GPD2: variants seen among roughly 807,000 people sequenced by gnomAD.
GPD2 encodes glycerol-3-phosphate dehydrogenase, mitochondrial.
Under a neutral mutation model 82.4 loss-of-function variants are expected in GPD2, and 54 were observed. That is an observed-to-expected ratio of 0.66 (90% CI 0.53 to 0.82). The LOEUF (loss-of-function observed/expected upper bound fraction) is 0.82. Among genes scored for constraint, GPD2 ranks in the 40% least tolerant of loss-of-function variants. GPD2 has a pLI of 0.00. For synonymous variants in GPD2, 288 were observed against 306.1 expected (o/e 0.94, Z 0.62); for missense variants, 748 against 896.2 (o/e 0.83, Z 2.11).
intron 9 of GPD2, among the ~76,000 whole-genome samples, chr2:156,567,991 A>G (rs1687452274): frequency 6.6e-6 from 1 of 152,166 alleles, no homozygotes; most frequent in Non-Finnish European, 1.5e-5. Context: ...GGGAGAAGCC[A>G]GTATACCTGT....
intron 1 of GPD2, among the ~76,000 whole-genome samples, chr2:156,465,361 C>CTTTCTTT (rs1553466295): frequency 3.5e-5 from 4 of 114,886 alleles, no homozygotes; most frequent in Admixed American, 9.4e-5. Context: ...TTCTTTCTTT[C>CTTTCTTT]TTTTTTTTTT....
intron 8 of GPD2, among the ~76,000 whole-genome samples, chr2:156,552,871 T>C (rs1686811623): frequency 6.6e-6 from 1 of 151,798 alleles, no homozygotes; most frequent in African/African-American, 2.4e-5. Flanking sequence ...AAGCTACTTC[T>C]TTCAGCTTCT....
At chr2:156,515,874 G>A (rs567806539) in intron 6 of GPD2, among the ~76,000 whole-genome samples, 1 of 152,272 alleles carries the variant, frequency 6.6e-6, no homozygotes, top group South Asian at 2.1e-4. Context: ...CAACAGTGTA[G>A]TTTTGTGGTT....
chr2:156,463,881 T>G (rs1683068894), intron 1 of GPD2, among the ~76,000 whole-genome samples: 1 of 152,212 alleles, frequency 6.6e-6, no homozygotes, highest in South Asian at 2.1e-4. Context: ...TCTGTGCTAT[T>G]AGCTCTGTAG....
chr2:156,406,945 C>T, the GPD2 span, among the ~76,000 whole-genome samples: 33 of 152,172 alleles, frequency 2.2e-4, no homozygotes, highest in Non-Finnish European at 4.4e-4. Context: ...GGCACAGTGG[C>T]TCAGCCTGTA....
chr2:156,423,721 T>C, the GPD2 span, among the ~76,000 whole-genome samples: 1 of 152,356 alleles, frequency 6.6e-6, no homozygotes, highest in East Asian at 1.9e-4. Flanking sequence ...TGAAAAAGAA[T>C]CTTAAAACAG....
intron 2 of GPD2, among the ~76,000 whole-genome samples, chr2:156,484,255 C>T (rs553905115): frequency 6.6e-6 from 1 of 152,088 alleles, no homozygotes; most frequent in East Asian, 1.9e-4. Flanking sequence ...CTTGCCTCAG[C>T]CCCCCAACTA....
chr2:156,566,948 G>T (rs1473872314), intron 9 of GPD2, among the ~76,000 whole-genome samples: 2 of 151,936 alleles, frequency 1.3e-5, no homozygotes, highest in Non-Finnish European at 2.9e-5. Context: ...GTTTTCATTT[G>T]CATTTCCCGA....
chr2:156,418,579 G>A, the GPD2 span, among the ~76,000 whole-genome samples: 1 of 152,272 alleles, frequency 6.6e-6, no homozygotes, highest in African/African-American at 2.4e-5. Flanking sequence ...TGGGGCCAAG[G>A]TGAAAGTTTC....
chr2:156,554,879 A>T (rs572509027), intron 8 of GPD2, among the ~76,000 whole-genome samples: 2 of 152,342 alleles, frequency 1.3e-5, no homozygotes, highest in Non-Finnish European at 1.5e-5. Context: ...AACTAAGGGC[A>T]CTTCAGGAAA....
chr2:156,487,668 G>T (rs1683998078), intron 2 of GPD2, among the ~76,000 whole-genome samples: 1 of 152,150 alleles, frequency 6.6e-6, no homozygotes, highest in South Asian at 2.1e-4. Context: ...TAATGTTAGG[G>T]GTGTGAGCTG....
At chr2:156,568,800 A>T in intron 9 of GPD2, 25 bp from the exon 10 acceptor site, 1 of 1,604,964 alleles carries the variant, frequency 6.2e-7, no homozygotes, top group Non-Finnish European at 8.5e-7. Context: ...CAATGTTCAT[A>T]ACCCTTGGCA....
the GPD2 span, among the ~76,000 whole-genome samples, chr2:156,426,423 T>C: frequency 1.3e-5 from 2 of 152,212 alleles, no homozygotes; most frequent in African/African-American, 2.4e-5. Context: ...GCTCACTCAC[T>C]GTGGTGAGAA....
At chr2:156,564,449 C>G (rs1036683487) in intron 9 of GPD2, among the ~76,000 whole-genome samples, 2 of 152,072 alleles carry the variant, frequency 1.3e-5, no homozygotes, top group Non-Finnish European at 1.5e-5. Flanking sequence ...TGGAGAGGAA[C>G]CTGTTAGCTT....
At chr2:156,563,365 G>A (rs1687245399) in intron 9 of GPD2, among the ~76,000 whole-genome samples, 1 of 152,100 alleles carries the variant, frequency 6.6e-6, no homozygotes, top group Admixed American at 6.6e-5. Flanking sequence ...AAGCTATCCT[G>A]GCAGTATGAG....
intron 3 of GPD2, among the ~76,000 whole-genome samples, chr2:156,505,797 A>C (rs1208846542): frequency 1.3e-5 from 2 of 152,204 alleles, no homozygotes; most frequent in East Asian, 3.8e-4. Context: ...ACTTAATACT[A>C]TTCACTATCT....
At chr2:156,409,004 G>A in the GPD2 span, among the ~76,000 whole-genome samples, 5 of 152,144 alleles carry the variant, frequency 3.3e-5, no homozygotes, top group East Asian at 9.6e-4. Flanking sequence ...GGAAAGGTTG[G>A]ACAGAGAGAC....
intron 3 of GPD2, among the ~76,000 whole-genome samples, chr2:156,503,588 TG>T (rs1684670205): frequency 6.6e-6 from 1 of 152,170 alleles, no homozygotes; most frequent in Non-Finnish European, 1.5e-5. Context: ...ATTCAGTTAT[TG>T]AAAAGAGATA....
chr2:156,453,415 T>C (rs1225072822), intron 1 of GPD2, among the ~76,000 whole-genome samples: 1 of 152,148 alleles, frequency 6.6e-6, no homozygotes, highest in African/African-American at 2.4e-5. Context: ...CAGACTACAG[T>C]AGATAAACTG....
Sources: allele counts gnomAD v4.1 joint callset (sites outside exome capture counted in the v4.1 genomes callset), GRCh38; gene constraint gnomAD v4.1.1; transcripts MANE v1.5; gene names NCBI Gene and HGNC (gene_info 2026-07-23, HGNC 2026-07-21).